SPECC1: variants seen among roughly 807,000 people sequenced by gnomAD.
The protein encoded by SPECC1 is cytospin-B.
Under a neutral mutation model 104.1 loss-of-function variants are expected in SPECC1, and 62 were observed. The observed-to-expected ratio is 0.60, with a 90% CI of 0.49 to 0.74. The LOEUF (loss-of-function observed/expected upper bound fraction) is 0.74. Ranked by LOEUF, SPECC1 falls within the 30% of genes least tolerant of loss-of-function variation. SPECC1 has a pLI of 0.00. For synonymous variants in SPECC1, 513 were observed against 501.6 expected, an observed-to-expected ratio of 1.02 and a Z score of -0.30; for missense variants, 1,306 against 1,310.5, an observed-to-expected ratio of 1.00 and a Z score of 0.05.
intron 12 of SPECC1, among the ~76,000 whole-genome samples, chr17:20,273,328 A>G (rs2040467945): frequency 6.6e-6 from 1 of 152,092 alleles, no homozygotes; most frequent in South Asian, 2.1e-4. Context: ...TACTAAAAAC[A>G]TTAGTGGGGC....
chr17:20,021,702 A>AT (rs1187795523), intron 1 of SPECC1, among the ~76,000 whole-genome samples: 21 of 139,276 alleles, frequency 1.5e-4, no homozygotes, highest in Middle Eastern at 3.8e-3. Flanking sequence ...ATATATATAT[A>AT]TTTTTTTGTA....
intron 1 of SPECC1, among the ~76,000 whole-genome samples, chr17:20,041,554 C>A (rs576471877): frequency 4.2e-4 from 58 of 138,544 alleles, no homozygotes; most frequent in African/African-American, 1.5e-3. Flanking sequence ...AAATATATAT[C>A]TTTTATTTCT....
chr17:20,311,386 T>TTG (rs780095713), intron 14 of SPECC1, among the ~76,000 whole-genome samples: 14,403 of 151,414 alleles, frequency 0.095, 1,168 homozygotes, highest in African/African-American at 0.22. Context: ...TTTTTTTTGT[T>TTG]TTTGTTTTTG....
rs969631480 is a variant in SPECC1 at position 20,316,057 on chromosome 17, G to C, written c.*1992G>C. 1 of 232,580 alleles carries C rather than the reference G, an allele frequency of 4.3e-6. No individual in the cohort carries two copies. The highest frequency in any genetic ancestry group is 2.2e-5 in the African/African-American group (1 of 45,316). The allele number at this position is 232,580 out of a possible 1,614,324, so 14.4% of individuals were successfully genotyped here. On this transcript the variant is annotated 3_prime_UTR_variant, in exon 15 of 15. Transcript: ENST00000395527. Reference sequence around the variant, plus strand: ...GCGGGAGCTCCTGAGCAGCTGTTGGGCGATGGTCATTACATCACCCATGCC... The same window carrying C: ...GCGGGAGCTCCTGAGCAGCTGTTGGCCGATGGTCATTACATCACCCATGCC...
intron 2 of SPECC1, among the ~76,000 whole-genome samples, chr17:20,108,913 C>G (rs1215226306): frequency 6.6e-6 from 1 of 152,184 alleles, no homozygotes; most frequent in Non-Finnish European, 1.5e-5. Flanking sequence ...CTACCCCTTT[C>G]ATGACAGGGA....
intron 3 of SPECC1, among the ~76,000 whole-genome samples, chr17:20,195,646 C>G (rs2035982945): frequency 6.6e-6 from 1 of 151,716 alleles, no homozygotes. Context: ...CAACCTCTGC[C>G]TCCCGGGTTC....
chr17:20,031,616 A>G (rs1308306403), intron 1 of SPECC1, among the ~76,000 whole-genome samples: 5 of 152,176 alleles, frequency 3.3e-5, no homozygotes, highest in East Asian at 1.9e-4. Context: ...AACTCTTTTT[A>G]TCTTGCAAAA....
chr17:20,086,147 C>A (rs78363097), intron 1 of SPECC1, among the ~76,000 whole-genome samples: 1 of 152,196 alleles, frequency 6.6e-6, no homozygotes, highest in South Asian at 2.1e-4. Context: ...CTCCGCCACC[C>A]TGGGCACCAC....
At chr17:20,165,196 C>T (rs2033542316) in intron 3 of SPECC1, among the ~76,000 whole-genome samples, 1 of 149,144 alleles carries the variant, frequency 6.7e-6, no homozygotes, top group Admixed American at 6.7e-5. Flanking sequence ...TGCTGTCCCT[C>T]CTACTACCCC....
At chr17:20,161,442 T>G (rs190480947) in intron 3 of SPECC1, among the ~76,000 whole-genome samples, 78 of 152,290 alleles carry the variant, frequency 5.1e-4, no homozygotes, top group African/African-American at 1.8e-3. Flanking sequence ...TTAGTATTAG[T>G]AAGTCTTCTG....
At chr17:20,298,982 G>GTGTGTGT (rs1567617382) in intron 13 of SPECC1, among the ~76,000 whole-genome samples, 2 of 31,972 alleles carry the variant, frequency 6.3e-5, no homozygotes, top group African/African-American at 2.8e-4. Context: ...TATGTAGAGA[G>GTGTGTGT]AGAGAGAGAG....
At chr17:20,067,633 A>G (rs1023641088) in intron 1 of SPECC1, among the ~76,000 whole-genome samples, 2 of 152,042 alleles carry the variant, frequency 1.3e-5, no homozygotes, top group Non-Finnish European at 2.9e-5. Flanking sequence ...ATATATTTAC[A>G]TTTATATAAA....
At chr17:20,113,286 C>T (rs1434810024) in intron 3 of SPECC1, among the ~76,000 whole-genome samples, 1 of 152,054 alleles carries the variant, frequency 6.6e-6, no homozygotes, top group Non-Finnish European at 1.5e-5. Flanking sequence ...GTATCTATTA[C>T]ATTTGCTTTT....
chr17:20,212,836 AATTAT>A (rs1484943152), intron 4 of SPECC1, among the ~76,000 whole-genome samples: 6 of 152,236 alleles, frequency 3.9e-5, no homozygotes, highest in Admixed American at 6.5e-5. Flanking sequence ...GGGCTGCTAT[AATTAT>A]ATTAATATGT....
At chr17:20,097,215 C>T (rs759938493) in intron 2 of SPECC1, among the ~76,000 whole-genome samples, 7 of 152,134 alleles carry the variant, frequency 4.6e-5, no homozygotes, top group African/African-American at 7.2e-5. Flanking sequence ...TGAGGGAGTG[C>T]GTTCTCCTCT....
chr17:20,236,007 G>A (rs1002414101), intron 7 of SPECC1, among the ~76,000 whole-genome samples: 6 of 152,190 alleles, frequency 3.9e-5, no homozygotes, highest in Non-Finnish European at 4.4e-5. Flanking sequence ...TGCTCTGATG[G>A]CTCTAATGGG....
At chr17:20,286,039 C>G (rs976050900) in intron 12 of SPECC1, among the ~76,000 whole-genome samples, 13 of 152,136 alleles carry the variant, frequency 8.5e-5, no homozygotes, top group Non-Finnish European at 1.6e-4. Flanking sequence ...GTCTTGAGCT[C>G]TTGGGCTTAA....
At chr17:20,101,279 C>A (rs867221662) in intron 2 of SPECC1, among the ~76,000 whole-genome samples, 1 of 152,200 alleles carries the variant, frequency 6.6e-6, no homozygotes, top group African/African-American at 2.4e-5. Context: ...TACACTCCCA[C>A]CAACAGTGTA....
chr17:20,026,779 C>T (rs2044617013), intron 1 of SPECC1, among the ~76,000 whole-genome samples: 1 of 152,168 alleles, frequency 6.6e-6, no homozygotes, highest in Admixed American at 6.5e-5. Flanking sequence ...ATACTGACTT[C>T]TTTCCTTTGG....
Sources: allele counts gnomAD v4.1 joint callset (sites outside exome capture counted in the v4.1 genomes callset), GRCh38; gene constraint gnomAD v4.1.1; transcripts MANE v1.5; gene names NCBI Gene and HGNC (gene_info 2026-07-23, HGNC 2026-07-21).